Variants in FAM222B observed in about 807,000 individuals in gnomAD.
FAM222B encodes family with sequence similarity 222 member B.
A neutral mutation model predicts 38.0 loss-of-function variants in FAM222B; 12 were observed. The ratio of observed to expected loss-of-function variants is 0.32; its 90% CI spans 0.20 to 0.51. The LOEUF (loss-of-function observed/expected upper bound fraction) is 0.51. Ranked by LOEUF, FAM222B falls within the 20% of genes least tolerant of loss-of-function variation. The pLI, the probability that FAM222B is intolerant of heterozygous loss-of-function variation, is 0.97. For missense variants in FAM222B, 716 were observed against 754.2 expected, an observed-to-expected ratio of 0.95 and a Z score of 0.59; for synonymous variants, 329 against 317.2, an observed-to-expected ratio of 1.04 and a Z score of -0.40.
intron 1 of FAM222B, among the ~76,000 whole-genome samples, chr17:28,812,689 A>G (rs988618994): frequency 7.9e-5 from 12 of 151,594 alleles, no homozygotes; most frequent in African/African-American, 2.9e-4. Context: ...CCCCAAAGCC[A>G]GGAGCCAAGC....
intron 1 of FAM222B, among the ~76,000 whole-genome samples, chr17:28,852,508 G>C (rs537606745): frequency 7.2e-5 from 11 of 151,854 alleles, no homozygotes; most frequent in African/African-American, 2.2e-4. Context: ...GGATGTGGTG[G>C]CCCGCATCTG....
chr17:28,766,847 T>C (rs2035354221), intron 1 of FAM222B, 140 bp from the exon 2 acceptor site: 2 of 564,416 alleles, frequency 3.5e-6, no homozygotes, highest in African/African-American at 3.8e-5. Context: ...GTTGAAAGTA[T>C]ACTTACATCT....
intron 1 of FAM222B, among the ~76,000 whole-genome samples, chr17:28,814,852 C>A (rs2151934949): frequency 6.7e-6 from 1 of 149,036 alleles, no homozygotes; most frequent in South Asian, 2.1e-4. Flanking sequence ...TGGCTCACTG[C>A]AACCTCTGCC....
chr17:28,778,719 A>ATTTTTTTTT (rs59098589), intron 1 of FAM222B, among the ~76,000 whole-genome samples: 11 of 25,494 alleles, frequency 4.3e-4, no homozygotes, highest in Non-Finnish European at 5.4e-4. Context: ...ATATATATAT[A>ATTTTTTTTT]TTTTTTTTTT....
intron 1 of FAM222B, among the ~76,000 whole-genome samples, chr17:28,772,782 C>G (rs2035699697): frequency 6.6e-6 from 1 of 151,952 alleles, no homozygotes; most frequent in African/African-American, 2.4e-5. Flanking sequence ...GTAGTCCCAC[C>G]TACTCAGGAG....
intron 1 of FAM222B, among the ~76,000 whole-genome samples, chr17:28,789,079 C>CAAA (rs397857027): frequency 9.3e-4 from 59 of 63,260 alleles, no homozygotes; most frequent in Admixed American, 2.1e-3. Context: ...AAAGATACCT[C>CAAA]AAAAAAAAAA....
At chr17:28,839,485 C>T (rs1050840168) in intron 1 of FAM222B, among the ~76,000 whole-genome samples, 11 of 152,206 alleles carry the variant, frequency 7.2e-5, no homozygotes, top group African/African-American at 2.6e-4. Flanking sequence ...GCTGAACAAA[C>T]CTCTATTATT....
intron 1 of FAM222B, among the ~76,000 whole-genome samples, chr17:28,834,071 T>C (rs1358309202): frequency 1.3e-5 from 2 of 152,158 alleles, no homozygotes; most frequent in Non-Finnish European, 2.9e-5. Flanking sequence ...TCCTCCAATA[T>C]AAAGTCAATG....
chr17:28,762,578 G>A (rs897352542), intron 2 of FAM222B, among the ~76,000 whole-genome samples: 1 of 130,768 alleles, frequency 7.6e-6, no homozygotes, highest in African/African-American at 2.9e-5. Flanking sequence ...AGTGAGCAAA[G>A]ATTGCACCAC....
intron 1 of FAM222B, among the ~76,000 whole-genome samples, chr17:28,817,733 T>C (rs1023687598): frequency 2.0e-5 from 3 of 151,832 alleles, no homozygotes; most frequent in Admixed American, 6.6e-5. Flanking sequence ...ATAATAATAA[T>C]AATAGGCAAA....
At chr17:28,846,058 C>T (rs2039143385), upstream of FAM222B, among the ~76,000 whole-genome samples, 1 of 151,762 alleles carries the variant, frequency 6.6e-6, no homozygotes, top group Non-Finnish European at 1.5e-5. Flanking sequence ...AAAAAATTAG[C>T]TGGGCATGGT....
Position 28,758,468 on chromosome 17 carries a change from T to TG in FAM222B, c.1490dup (p.Gly498ArgfsTer65). The TG allele has an allele frequency of 6.2e-7, 1 of 1,613,532 alleles. No individual in the cohort carries two copies. Among genetic ancestry groups the TG allele is most frequent in the Non-Finnish European group, 8.5e-7 (1 of 1,179,772 alleles). On this transcript the variant is annotated frameshift_variant, in exon 3 of 3. Coordinates refer to ENST00000581407, the MANE Select transcript of FAM222B (RefSeq NM_001077498.3). LOFTEE classifies it high-confidence loss of function. The stretch of plus-strand genomic sequence containing the variant: ...TTGCCACTGGACCGCCCCCGGTCCC[T>TG]GCTCGGTAGTGGGCCCCGGGAGCTG...
intron 1 of FAM222B, among the ~76,000 whole-genome samples, chr17:28,828,095 ATTTTTTTT>A (rs528492764): frequency 5.4e-5 from 4 of 74,690 alleles, no homozygotes; most frequent in Admixed American, 3.3e-4. Flanking sequence ...ATCAAATCCA[ATTTTTTTT>A]TTTTTTTTTT....
At chr17:28,788,373 G>T (rs2036514701) in intron 1 of FAM222B, among the ~76,000 whole-genome samples, 1 of 152,072 alleles carries the variant, frequency 6.6e-6, no homozygotes, top group Admixed American at 6.6e-5. Context: ...TGAGTAGCTG[G>T]GATTATAGGT....
intron 1 of FAM222B, among the ~76,000 whole-genome samples, chr17:28,781,384 T>TAA (rs910650735): frequency 1.3e-5 from 2 of 151,920 alleles, no homozygotes; most frequent in African/African-American, 4.8e-5. Flanking sequence ...TATATATATA[T>TAA]AAATTGTTGG....
chr17:28,759,838 T>A lies in FAM222B; in HGVS notation c.121A>T (p.Thr41Ser). 1 of 1,570,200 alleles carries A rather than the reference T, an allele frequency of 6.4e-7. No individual in the cohort carries two copies. The highest frequency in any genetic ancestry group is 8.6e-7 in the Non-Finnish European group (1 of 1,157,766). The change falls in exon 3 of 3, where the codon ACC (threonine) becomes TCC (serine). Residue 41 changes from threonine (T) to serine (S), a missense_variant. Coordinates refer to ENST00000581407, the MANE Select transcript of FAM222B (RefSeq NM_001077498.3). The surrounding 1 kb of genome is among the most constrained non-coding windows in gnomAD (Gnocchi z 4.8). ...TQKMRTAHYP[T>S]PAELDAYAKK... ...GCATACGCATCCAATTCGGCTGGGGTAGGATAGTGAGCAGTTCTCATTTTC... is the reference window on the plus strand; with the variant it reads ...GCATACGCATCCAATTCGGCTGGGGAAGGATAGTGAGCAGTTCTCATTTTC...
chr17:28,787,088 C>T (rs1359930866), intron 1 of FAM222B, among the ~76,000 whole-genome samples: 2 of 151,960 alleles, frequency 1.3e-5, no homozygotes, highest in Non-Finnish European at 2.9e-5. Flanking sequence ...CCACGCCCAG[C>T]TAATTTTTTT....
rs576527643 is a variant in FAM222B at position 28,840,100 on chromosome 17, G to A, written c.-41+2582C>T. 4.6e-5 allele frequency among the ~76,000 whole-genome samples: 7 copies of A among 152,208 alleles called. No individual in the cohort carries two copies. In the East Asian group the frequency reaches 7.7e-4, roughly 17 times the overall value. ...ACTTTAGAAACCATTTTCTCACTGC[G>A]CTTGGTGGCTTACGCCTGTGATCCC... On this transcript the variant is annotated intron_variant, in intron 1 of 2. Coordinates refer to ENST00000581407, the MANE Select transcript of FAM222B (RefSeq NM_001077498.3).
At chr17:28,829,428 TC>T (rs2038577918) in intron 1 of FAM222B, among the ~76,000 whole-genome samples, 1 of 152,116 alleles carries the variant, frequency 6.6e-6, no homozygotes, top group Non-Finnish European at 1.5e-5. Context: ...CAACTCGGCC[TC>T]CCAAAGTGCT....
Sources: gnomAD v4.1 joint callset for allele counts (sites outside exome capture counted in the v4.1 genomes callset) on GRCh38, gnomAD v4.1.1 for gene constraint, Gnocchi (gnomAD v3.1) non-coding constraint, MANE v1.5 for transcripts, NCBI Gene and HGNC (gene_info 2026-07-23, HGNC 2026-07-21) for gene names.